The following SMYD1 variants were observed in gnomAD, a reference collection of about 807,000 sequenced individuals.
SMYD1 encodes the protein SET and MYND domain containing 1, also known as histone-lysine N-methyltransferase SMYD1.
In SMYD1, 49 loss-of-function variants were observed where a neutral mutation model predicts 54.0. That is an observed-to-expected ratio of 0.91 (90% CI 0.72 to 1.15). The LOEUF (loss-of-function observed/expected upper bound fraction) is 1.15. Ranked by LOEUF, SMYD1 falls within the 50% of genes most tolerant of loss-of-function variation. SMYD1 has a pLI of 0.00. For missense variants in SMYD1, 653 were observed against 639.6 expected (o/e 1.02, Z -0.23); for synonymous variants, 269 against 234.2 (o/e 1.15, Z -1.36).
rs2104022393 is a variant in SMYD1 at position 88,111,619 on chromosome 2, A to G, written c.*1107A>G. On this transcript the variant is annotated 3_prime_UTR_variant, in exon 10 of 10. Transcript: ENST00000419482. ...GGCTTCTGCTCTTCTCACCAGAAAGAACATTTGAATCTGGATTCTTGTACA... is the reference window on the plus strand; with the variant it reads ...GGCTTCTGCTCTTCTCACCAGAAAGGACATTTGAATCTGGATTCTTGTACA... 6.4e-6 allele frequency: 1 copy of G among 157,194 alleles called. No homozygotes were observed. Among genetic ancestry groups the G allele is most frequent in the African/African-American group, 2.4e-5 (1 of 41,662 alleles). The allele number at this position is 157,194 out of a possible 1,614,324, so 9.7% of individuals were successfully genotyped here. A position where few individuals can be genotyped will look rare whatever the true frequency, so the allele number is the denominator to read the frequency against.
In SMYD1 at chr2:88,096,634, G is replaced by A. The variant is rs1228596225; in HGVS notation, c.738G>A (p.Glu246=). The change falls in exon 6 of 10, where the codon GAG becomes GAA. Residue 246 remains glutamate, a synonymous_variant. Coordinates refer to ENST00000419482, the MANE Select transcript of SMYD1 (RefSeq NM_198274.4). The part of the protein sequence containing the change: ...LRALGKISEG[E]ELTVSYIDFL... ...CCCTAGGCAAGATCTCAGAAGGAGA[G>A]GAGCTGACTGTGTCCTATATTGACT... 1 of 1,613,790 alleles carries A rather than the reference G, an allele frequency of 6.2e-7. No homozygotes were observed. Among genetic ancestry groups the A allele is most frequent in the African/African-American group, 1.3e-5 (1 of 74,908 alleles).
chr2:88,090,980 C>A (rs373545728), intron 3 of SMYD1, 32 bp from the exon 4 acceptor site: 54 of 1,600,878 alleles, frequency 3.4e-5, no homozygotes, highest in Non-Finnish European at 4.2e-5. Flanking sequence ...CCATGTCTGT[C>A]GACTGACTCT....
At chr2:88,099,110 G>A (rs1674664975) in intron 6 of SMYD1, among the ~76,000 whole-genome samples, 1 of 151,576 alleles carries the variant, frequency 6.6e-6, no homozygotes, top group African/African-American at 2.4e-5. Context: ...TTTTTGAGAC[G>A]AGGTTTCACT....
chr2:88,095,136 G>A (rs1674551386), intron 5 of SMYD1, among the ~76,000 whole-genome samples: 1 of 152,136 alleles, frequency 6.6e-6, no homozygotes, highest in Non-Finnish European at 1.5e-5. Context: ...CCTCATTTGT[G>A]AAATGAGTGT....
chr2:88,091,957 A>G (rs1342761077), intron 4 of SMYD1, among the ~76,000 whole-genome samples: 1 of 152,184 alleles, frequency 6.6e-6, no homozygotes, highest in Non-Finnish European at 1.5e-5. Flanking sequence ...CAACACATGA[A>G]ACCATCACCA....
chr2:88,093,039 G>A (rs1163914514), intron 4 of SMYD1, among the ~76,000 whole-genome samples: 1 of 152,142 alleles, frequency 6.6e-6, no homozygotes, highest in Non-Finnish European at 1.5e-5. Flanking sequence ...TGGGGTTAGG[G>A]GCCCAATTTG....
Position 88,113,236 on chromosome 2 carries a change from A to C in SMYD1, c.*2724A>C, listed in dbSNP as rs970082287. On this transcript the variant is annotated 3_prime_UTR_variant, in exon 10 of 10. Coordinates refer to ENST00000419482, the MANE Select transcript of SMYD1 (RefSeq NM_198274.4). ...AGATCCTGGAATGTGGTAGGTGCTC[A>C]GTAAATGTGTGTTGAATAAATGAAT... is the stretch of plus-strand genomic sequence containing the variant. 4.6e-5 allele frequency: 7 copies of C among 152,216 alleles called. No individual in the cohort carries two copies. The highest frequency in any genetic ancestry group is 1.7e-4 in the African/African-American group (7 of 41,458). 9.4% of individuals were successfully genotyped at this position (152,216 alleles called of 1,614,324 possible).
At chr2:88,108,640 T>A (rs1674941761) in intron 9 of SMYD1, 101 bp downstream of exon 9, 3 of 1,239,898 alleles carry the variant, frequency 2.4e-6, no homozygotes, top group Non-Finnish European at 3.2e-6. Flanking sequence ...GTCCACATAC[T>A]CCCAGCTAGA....
chr2:88,072,977 T>C (rs1673981590), intron 1 of SMYD1, among the ~76,000 whole-genome samples: 3 of 152,228 alleles, frequency 2.0e-5, no homozygotes, highest in Admixed American at 1.3e-4. Flanking sequence ...TGTGTGATGC[T>C]GAGGTTTGGG....
At position 88,087,846 on chromosome 2, in the gene SMYD1, G is replaced by A. The variant is rs78009515; in HGVS notation, c.315-16G>A. 0.062 allele frequency: 96,591 copies of A among 1,547,210 alleles called. 3,442 individuals are homozygous for A. Among genetic ancestry groups the A allele is most frequent in the South Asian group, 0.13 (10,437 of 80,772 alleles). On this transcript the variant is annotated splice_polypyrimidine_tract_variant and intron_variant, in intron 2 of 9. Coordinates refer to ENST00000419482, the MANE Select transcript of SMYD1 (RefSeq NM_198274.4). ...AATGCAGCTGTAGTGGCCTCCTGAC[G>A]CTGCCCTTCCCACAGGCTGGCGGCG... is the stretch of plus-strand genomic sequence containing the variant.
At chr2:88,108,775 C>T (rs1205559154) in intron 9 of SMYD1, among the ~76,000 whole-genome samples, 5 of 152,204 alleles carry the variant, frequency 3.3e-5, no homozygotes, top group African/African-American at 1.2e-4. Context: ...GTTCATGGTT[C>T]TGCAGACTGT....
intron 6 of SMYD1, among the ~76,000 whole-genome samples, chr2:88,100,018 A>AT (rs1674685394): frequency 9.0e-6 from 1 of 111,572 alleles, no homozygotes; most frequent in Non-Finnish European, 1.8e-5. Context: ...AGCCCCTCAG[A>AT]TCCCCCACCT....
chr2:88,080,893 T>C (rs1237259556), intron 1 of SMYD1, among the ~76,000 whole-genome samples: 1 of 146,408 alleles, frequency 6.8e-6, no homozygotes, highest in Non-Finnish European at 1.5e-5. Flanking sequence ...CTGATGGATA[T>C]ATTCATTATT....
Position 88,107,860 on chromosome 2 carries a change from G to C in SMYD1, c.1146-511G>C, listed in dbSNP as rs142939670. 2.2e-3 allele frequency among the ~76,000 whole-genome samples: 332 copies of C among 152,292 alleles called. 6 individuals are homozygous for C. The East Asian group carries it at 0.056, about 26-fold the overall frequency. ...GTCTGTCACCCCTTTCCTTGGTTTG[G>C]AAAGGGAATTCCCTGACCCCTTGCA... On this transcript the variant is annotated intron_variant, in intron 8 of 9. Coordinates refer to ENST00000419482, the MANE Select transcript of SMYD1 (RefSeq NM_198274.4).
chr2:88,083,356 C>G (rs1047109482), intron 1 of SMYD1: 3 of 151,986 alleles, frequency 2.0e-5, no homozygotes, highest in Non-Finnish European at 4.4e-5. Context: ...ATGCCCTTTT[C>G]TGTTTGAACG....
chr2:88,093,161 C>T (rs918726467), intron 4 of SMYD1, among the ~76,000 whole-genome samples: 1 of 152,202 alleles, frequency 6.6e-6, no homozygotes, highest in East Asian at 1.9e-4. Flanking sequence ...ACCCAGGATG[C>T]TTAATAGAAT....
intron 2 of SMYD1, among the ~76,000 whole-genome samples, chr2:88,085,897 G>A (rs1321079255): frequency 6.6e-6 from 1 of 152,196 alleles, no homozygotes; most frequent in Non-Finnish European, 1.5e-5. Flanking sequence ...ACAGATGGTT[G>A]GTGATGGTTG....
At chr2:88,093,387 TAGGATAA>T in intron 4 of SMYD1, 123 bp from the exon 5 acceptor site, 1 of 1,049,314 alleles carries the variant, frequency 9.5e-7, no homozygotes, top group East Asian at 2.4e-5. Flanking sequence ...TAGAAGGGGC[TAGGATAA>T]AGGTTATTGT....
intron 1 of SMYD1, among the ~76,000 whole-genome samples, chr2:88,068,530 A>G (rs746502328): frequency 5.9e-5 from 9 of 151,688 alleles, no homozygotes; most frequent in South Asian, 2.1e-4. Context: ...TATTATTTCA[A>G]TGTATTTCCT....
Sources: gnomAD v4.1 joint callset for allele counts (sites outside exome capture counted in the v4.1 genomes callset) on GRCh38, gnomAD v4.1.1 for gene constraint, MANE v1.5 for transcripts, NCBI Gene and HGNC (gene_info 2026-07-23, HGNC 2026-07-21) for gene names.